The following CTNND2 variants were observed in gnomAD, a reference collection of about 807,000 sequenced individuals.
CTNND2 encodes the protein catenin delta-2.
Under a neutral mutation model 144.4 loss-of-function variants are expected in CTNND2, and 22 were observed. The ratio of observed to expected loss-of-function variants is 0.15; its 90% CI spans 0.11 to 0.22. CTNND2 has a LOEUF of 0.22. Ranked by LOEUF, CTNND2 falls within the 10% of genes least tolerant of loss-of-function variation. The pLI is 1.00. For missense variants in CTNND2, 1,353 were observed against 1,618.8 expected, an observed-to-expected ratio of 0.84 and a Z score of 2.82; for synonymous variants, 751 against 695.6, an observed-to-expected ratio of 1.08 and a Z score of -1.25.
In CTNND2 at chr5:11,783,054, C is replaced by T. The variant is rs142477922; in HGVS notation, c.38-50782G>A. 1.3e-4 allele frequency among the ~76,000 whole-genome samples: 20 copies of T among 152,142 alleles called. No homozygotes were observed. In the East Asian group the frequency reaches 3.9e-3, roughly 30 times the overall value. On this transcript the variant is annotated intron_variant, in intron 1 of 21. Coordinates refer to ENST00000304623, the MANE Select transcript of CTNND2 (RefSeq NM_001332.4). ...GCATGACTAGAACAAGCTACCGGGG[C>T]TGCCTTTGGTCAACTTAATAAATTA... is the stretch of plus-strand genomic sequence containing the variant.
chr5:11,470,629 C>T (rs192160454), intron 3 of CTNND2, among the ~76,000 whole-genome samples: 18 of 152,162 alleles, frequency 1.2e-4, no homozygotes, highest in Admixed American at 5.9e-4. Context: ...TTCTGTCCCA[C>T]GACCCCCTCC....
chr5:11,770,040 G>T (rs1306531350), intron 1 of CTNND2, among the ~76,000 whole-genome samples: 1 of 152,170 alleles, frequency 6.6e-6, no homozygotes, highest in East Asian at 1.9e-4. Flanking sequence ...AATGGCTGAT[G>T]AATTTAAAAG....
chr5:11,005,193 C>T (rs1335247238), intron 18 of CTNND2, among the ~76,000 whole-genome samples: 1 of 152,170 alleles, frequency 6.6e-6, no homozygotes, highest in Non-Finnish European at 1.5e-5. Context: ...TGTGCCCAGG[C>T]AATGCCAAGG....
Position 11,628,838 on chromosome 5 carries a change from T to C in CTNND2, c.175-63782A>G, listed in dbSNP as rs370724093. Reference sequence around the variant, plus strand: ...GGAAAAACACAAAACACAATGGCCATCTTGGAATGCACAGAGAACGGCAGA... The same window carrying C: ...GGAAAAACACAAAACACAATGGCCACCTTGGAATGCACAGAGAACGGCAGA... On this transcript the variant is annotated intron_variant, in intron 2 of 21. Coordinates refer to ENST00000304623, the MANE Select transcript of CTNND2 (RefSeq NM_001332.4). Among the ~76,000 whole-genome samples the C allele has an allele frequency of 2.6e-5, 4 of 151,976 alleles. No homozygotes were observed. The East Asian group carries it at 5.8e-4, about 22-fold the overall frequency.
At chr5:11,322,850 C>T (rs1052636775) in intron 9 of CTNND2, among the ~76,000 whole-genome samples, 9 of 151,846 alleles carry the variant, frequency 5.9e-5, no homozygotes, top group African/African-American at 9.7e-5. Flanking sequence ...GCTCTGTGTA[C>T]GGAGATACCT....
intron 9 of CTNND2, among the ~76,000 whole-genome samples, chr5:11,303,889 A>G (rs534806405): frequency 2.0e-5 from 3 of 152,278 alleles, no homozygotes; most frequent in South Asian, 4.1e-4. Flanking sequence ...CTGGTGGGAG[A>G]TAACTGAATC....
At chr5:11,708,599 T>G (rs2126686361) in intron 2 of CTNND2, among the ~76,000 whole-genome samples, 1 of 152,110 alleles carries the variant, frequency 6.6e-6, no homozygotes, top group South Asian at 2.1e-4. Flanking sequence ...GCTTGGCGAG[T>G]CTGGGATTAT....
chr5:11,152,900 T>C (rs1757871132), intron 12 of CTNND2, among the ~76,000 whole-genome samples: 1 of 152,042 alleles, frequency 6.6e-6, no homozygotes, highest in Non-Finnish European at 1.5e-5. Flanking sequence ...TGGAGTGGGG[T>C]GAGTGGTGTG....
chr5:11,835,432 A>G (rs188399601), intron 1 of CTNND2, among the ~76,000 whole-genome samples: 1 of 152,172 alleles, frequency 6.6e-6, no homozygotes, highest in Non-Finnish European at 1.5e-5. Flanking sequence ...CCGGGAAACC[A>G]TCTAGGCCTT....
chr5:11,531,336 A>T (rs1773728182), intron 3 of CTNND2, among the ~76,000 whole-genome samples: 1 of 152,136 alleles, frequency 6.6e-6, no homozygotes, highest in African/African-American at 2.4e-5. Flanking sequence ...GCTAAAAAAG[A>T]CAGGGAGGGC....
intron 2 of CTNND2, among the ~76,000 whole-genome samples, chr5:11,668,525 A>C (rs1204686393): frequency 6.6e-6 from 1 of 151,686 alleles, no homozygotes; most frequent in Non-Finnish European, 1.5e-5. Flanking sequence ...TCTTTGCAGC[A>C]ATTGTGAATG....
At chr5:11,003,563 A>G (rs1421743615) in intron 18 of CTNND2, among the ~76,000 whole-genome samples, 1 of 152,246 alleles carries the variant, frequency 6.6e-6, no homozygotes, top group Non-Finnish European at 1.5e-5. Flanking sequence ...TAAATACAAT[A>G]AACTGAAGGT....
chr5:11,783,848 G>A (rs1790687619), intron 1 of CTNND2, among the ~76,000 whole-genome samples: 1 of 152,170 alleles, frequency 6.6e-6, no homozygotes, highest in South Asian at 2.1e-4. Flanking sequence ...AGGAGGCAAG[G>A]CCCTGACTAC....
chr5:11,723,225 A>T (rs11748342), intron 2 of CTNND2, among the ~76,000 whole-genome samples: 34,243 of 151,890 alleles, frequency 0.23, 4,792 homozygotes, highest in African/African-American at 0.4. Context: ...TTTTCCTCTT[A>T]ACTAAAACAA....
chr5:11,805,329 C>T (rs1208085409), intron 1 of CTNND2, among the ~76,000 whole-genome samples: 1 of 152,026 alleles, frequency 6.6e-6, no homozygotes, highest in East Asian at 1.9e-4. Context: ...TATTTATTTG[C>T]TATATCAACT....
chr5:11,803,790 C>T (rs1017623139), intron 1 of CTNND2, among the ~76,000 whole-genome samples: 1 of 152,196 alleles, frequency 6.6e-6, no homozygotes, highest in African/African-American at 2.4e-5. Flanking sequence ...TTATAATTCA[C>T]TGTTGTATCA....
chr5:11,361,107 A>T (rs1756404746), intron 8 of CTNND2, among the ~76,000 whole-genome samples: 1 of 152,102 alleles, frequency 6.6e-6, no homozygotes, highest in African/African-American at 2.4e-5. Flanking sequence ...CGCAACCTCC[A>T]TCTCCTGGCT....
chr5:11,301,171 C>T (rs542344083), intron 9 of CTNND2, among the ~76,000 whole-genome samples: 1 of 133,130 alleles, frequency 7.5e-6, no homozygotes, highest in South Asian at 2.3e-4. Context: ...CACCTGCCAC[C>T]ATGCCCAGCT....
chr5:11,861,888 G>A (rs1371215533), intron 1 of CTNND2, among the ~76,000 whole-genome samples: 1 of 152,128 alleles, frequency 6.6e-6, no homozygotes, highest in Non-Finnish European at 1.5e-5. Context: ...CCAATTTACT[G>A]TATCTACAAG....
Sources: allele counts gnomAD v4.1 joint callset (sites outside exome capture counted in the v4.1 genomes callset), GRCh38; gene constraint gnomAD v4.1.1; transcripts MANE v1.5; gene names NCBI Gene and HGNC (gene_info 2026-07-23, HGNC 2026-07-21).